The following COG4 variants were observed in gnomAD, a reference collection of about 807,000 sequenced individuals.
COG4 encodes conserved oligomeric Golgi complex subunit 4.
In COG4, 65 loss-of-function variants were observed where a neutral mutation model predicts 95.1. The observed-to-expected ratio is 0.68, with a 90% confidence interval of 0.56 to 0.84. The LOEUF is 0.84. COG4 is among the 40% of genes least tolerant of loss of function. The pLI is 0.00. For synonymous variants in COG4, 421 were observed against 374.8 expected, an observed-to-expected ratio of 1.12 and a Z score of -1.42; for missense variants, 1,045 against 989.1, an observed-to-expected ratio of 1.06 and a Z score of -0.76.
intron 12 of COG4, 75 bp from the exon 13 acceptor site, chr16:70,490,467 A>T: frequency 8.2e-7 from 1 of 1,217,978 alleles, no homozygotes; most frequent in Non-Finnish European, 1.2e-6. Flanking sequence ...AGACTGGCTG[A>T]CAGCTGTGCT....
rs573402606 is a variant in COG4 at position 70,515,158 on chromosome 16, T to G, written c.370-649A>C. 3.3e-5 allele frequency among the ~76,000 whole-genome samples: 5 copies of G among 152,090 alleles called. No homozygotes were observed. In the East Asian group the frequency reaches 9.7e-4, roughly 30 times the overall value. ...AGCCTCCCAAATACCTGGGATTACA[T>G]GTGCACACAACCACAACCTGCTAAT... On this transcript the variant is annotated intron_variant, in intron 3 of 18. Coordinates refer to ENST00000323786, the MANE Select transcript of COG4 (RefSeq NM_015386.3).
At chr16:70,500,154 G>C (rs900936314) in intron 9 of COG4, among the ~76,000 whole-genome samples, 1 of 151,518 alleles carries the variant, frequency 6.6e-6, no homozygotes, top group Admixed American at 6.6e-5. Context: ...TTTTAATATA[G>C]TGACAGGGTC....
chr16:70,494,496 G>C (rs1191860913), intron 12 of COG4, among the ~76,000 whole-genome samples: 1 of 152,202 alleles, frequency 6.6e-6, no homozygotes, highest in Admixed American at 6.6e-5. Flanking sequence ...CAAGCATTTA[G>C]CATCGCCTCT....
chr16:70,502,570 C>T (rs1021717783), intron 8 of COG4, among the ~76,000 whole-genome samples: 2 of 151,552 alleles, frequency 1.3e-5, no homozygotes, highest in African/African-American at 4.9e-5. Context: ...CATTGCACTC[C>T]AGCCTGGGCA....
At chr16:70,503,529 A>G (rs535900814) in intron 8 of COG4, among the ~76,000 whole-genome samples, 1 of 151,610 alleles carries the variant, frequency 6.6e-6, no homozygotes, top group Non-Finnish European at 1.5e-5. Flanking sequence ...TAAAATACAC[A>G]TGACCTTTGC....
intron 8 of COG4, among the ~76,000 whole-genome samples, chr16:70,505,197 CTTTTTT>C (rs767606425): frequency 1.6e-5 from 2 of 122,670 alleles, no homozygotes; most frequent in African/African-American, 6.6e-5. Flanking sequence ...TTTGGATTTT[CTTTTTT>C]TTTTTTTTTT....
At chr16:70,497,815 A>C in intron 10 of COG4, 122 bp downstream of exon 10, 1 of 780,924 alleles carries the variant, frequency 1.3e-6, no homozygotes, top group South Asian at 1.4e-5. Flanking sequence ...GGTACCACTC[A>C]ATCTGCATGC....
chr16:70,491,903 AC>A (rs2049253032), intron 12 of COG4, among the ~76,000 whole-genome samples: 1 of 152,030 alleles, frequency 6.6e-6, no homozygotes, highest in South Asian at 2.1e-4. Context: ...TTTACTGAGC[AC>A]CTGGATGTGC....
chr16:70,499,965 A>G (rs552324244), intron 9 of COG4, among the ~76,000 whole-genome samples: 1 of 151,508 alleles, frequency 6.6e-6, no homozygotes, highest in Non-Finnish European at 1.5e-5. Flanking sequence ...CGACCTAAAA[A>G]TTTTTTTAAA....
At chr16:70,486,533 A>T (rs1484411242) in intron 13 of COG4, among the ~76,000 whole-genome samples, 1 of 152,202 alleles carries the variant, frequency 6.6e-6, no homozygotes, top group African/African-American at 2.4e-5. Flanking sequence ...GTGAAATGCA[A>T]ATCTAAGGGC....
Position 70,509,450 on chromosome 16 carries a change from C to T in COG4, c.845-62G>A, listed in dbSNP as rs1289089483. On this transcript the variant is annotated intron_variant, in intron 6 of 18. Coordinates refer to ENST00000323786, the MANE Select transcript of COG4 (RefSeq NM_015386.3). ...ATTCTTCCTACAAAATAAACTTGCT[C>T]CCATCCAGGACTAACCGAAGGTCTA... 3.8e-6 allele frequency: 6 copies of T among 1,592,056 alleles called. No individual in the cohort carries two copies. The Admixed American group carries it at 1.0e-4, about 27-fold the overall frequency.
At chr16:70,490,473 G>T in intron 12 of COG4, 81 bp from the exon 13 acceptor site, 1 of 1,167,674 alleles carries the variant, frequency 8.6e-7, no homozygotes, top group Non-Finnish European at 1.3e-6. Context: ...GCTGACAGCT[G>T]TGCTCCATGA....
chr16:70,497,367 A>T lies in COG4; in HGVS notation c.1335T>A (p.Tyr445Ter). The T allele has an allele frequency of 6.2e-7, 1 of 1,613,468 alleles. No individual in the cohort carries two copies. Among genetic ancestry groups the T allele is most frequent in the Non-Finnish European group, 8.5e-7 (1 of 1,179,840 alleles). ...TGCTGGATGTCAGCTGGCCCTTCTC[A>T]TAGGTGTCCAGAGCCACAGCCTACC... The part of the protein sequence containing the change: ...TVNKAVALDT[Y>*]EKGQLTSSMV... Residue 445 changes from tyrosine to a stop codon, truncating the protein, a stop_gained, in exon 11 of 19, where the codon TAT (tyrosine) becomes TAA (stop). Transcript: ENST00000323786. LOFTEE classifies it high-confidence loss of function.
chr16:70,500,435 C>G (rs1024228598), intron 9 of COG4, among the ~76,000 whole-genome samples: 3 of 130,686 alleles, frequency 2.3e-5, no homozygotes, highest in Non-Finnish European at 4.6e-5. Context: ...GTGGCGTGAT[C>G]TTGGCCCTAT....
chr16:70,490,106 C>T (rs573699371), intron 13 of COG4, among the ~76,000 whole-genome samples: 51 of 152,210 alleles, frequency 3.4e-4, no homozygotes, highest in Admixed American at 5.9e-4. Flanking sequence ...GAATGTGCCA[C>T]CGTGCCTTGC....
chr16:70,522,479 C>T (rs1007789096), intron 1 of COG4, among the ~76,000 whole-genome samples: 1 of 152,258 alleles, frequency 6.6e-6, no homozygotes, highest in East Asian at 1.9e-4. Context: ...ACAAAAAACA[C>T]CACACACATC....
rs745874355 is a variant in COG4, at chr16:70,481,768, T to C, written c.2102A>G (p.Asn701Ser). The C allele has an allele frequency of 1.9e-6, 3 of 1,612,688 alleles. No individual in the cohort carries two copies. Among genetic ancestry groups the C allele is most frequent in the Non-Finnish European group, 2.5e-6 (3 of 1,178,948 alleles). The part of the protein sequence containing the change: ...LEKVVLKSTF[N>S]RLGGLQFDKE... ...CCCATGACCCCTTTACCTTACCCGG[T>C]TAAAGGTGGATTTCAGCACCACTTT... The change falls in exon 17 of 19, where the codon AAC (asparagine) becomes AGC (serine). Residue 701 changes from asparagine (N) to serine (S), a missense_variant. Transcript: ENST00000323786.
chr16:70,482,016 T>C (rs570573809), intron 16 of COG4, 76 bp downstream of exon 16: 464 of 1,399,374 alleles, frequency 3.3e-4, no homozygotes, highest in Non-Finnish European at 4.5e-4. Flanking sequence ...AGAAGGAATG[T>C]GATGAGACCC....
At chr16:70,496,507 C>A in intron 11 of COG4, 76 bp from the exon 12 acceptor site, 1 of 1,449,974 alleles carries the variant, frequency 6.9e-7, no homozygotes, top group Non-Finnish European at 9.7e-7. Flanking sequence ...GTCTTCACCA[C>A]TCTGACCCAG....
Sources: gnomAD v4.1 joint callset for allele counts (sites outside exome capture counted in the v4.1 genomes callset) on GRCh38, gnomAD v4.1.1 for gene constraint, MANE v1.5 for transcripts, NCBI Gene and HGNC (gene_info 2026-07-23, HGNC 2026-07-21) for gene names.